The following NOS2 variants were observed in gnomAD, a reference collection of about 807,000 sequenced individuals.
NOS2 encodes nitric oxide synthase, inducible.
NOS2 carries 96 observed loss-of-function variants against 136.0 expected under a neutral mutation model. The ratio of observed to expected loss-of-function variants is 0.71; its 90% CI spans 0.60 to 0.84. The LOEUF is 0.84. Among genes scored for constraint, NOS2 ranks in the 40% least tolerant of loss-of-function variants. The probability of loss-of-function intolerance (pLI) is 0.00; values close to 1 mark genes in which losing one functional copy is unlikely to be tolerated. For missense variants in NOS2, 1,237 were observed against 1,496.9 expected (o/e 0.83, Z 2.87); for synonymous variants, 539 against 587.5 (o/e 0.92, Z 1.20).
chr17:27,781,158 G>A lies in NOS2; in HGVS notation c.742C>T (p.Pro248Ser). 1 of 1,609,348 alleles carries A rather than the reference G, an allele frequency of 6.2e-7. No homozygotes were observed. The highest frequency in any genetic ancestry group is 8.5e-7 in the Non-Finnish European group (1 of 1,179,936). Reference sequence around the variant, plus strand: ...TCGTGCTTGCCATCACTCCGCTGGGGGAACACGGTGATGGCCGACCTTCCC... The same window carrying A: ...TCGTGCTTGCCATCACTCCGCTGGGAGAACACGGTGATGGCCGACCTTCCC... Reference protein sequence around the residue: ...GNIRSAITVFPQRSDGKHDFR... With the variant: ...GNIRSAITVFSQRSDGKHDFR... The change falls in exon 8 of 27, where the codon CCC (proline) becomes TCC (serine). Residue 248 changes from proline to serine, a missense_variant. Physicochemically the swap from Pro to Ser is moderately conservative, Grantham distance 74. Transcript: ENST00000313735.
At chr17:27,768,890 CCA>C in intron 17 of NOS2, 85 bp downstream of exon 17, 1 of 1,388,628 alleles carries the variant, frequency 7.2e-7, no homozygotes, top group Non-Finnish European at 9.5e-7. Context: ...AGAGGTCATG[CCA>C]CCTGGGACGC....
chr17:27,774,888 CAAG>C (rs1196495197), intron 11 of NOS2, among the ~76,000 whole-genome samples: 2 of 152,188 alleles, frequency 1.3e-5, no homozygotes, highest in Admixed American at 6.5e-5. Flanking sequence ...CCTCCTCAGC[CAAG>C]AAGGAGCCAG....
chr17:27,758,901 C>T lies in NOS2; in HGVS notation c.3334G>A (p.Asp1112Asn), dbSNP rs188223236. The T allele has an allele frequency of 8.1e-6, 13 of 1,603,786 alleles. No homozygotes were observed. In the East Asian group the frequency reaches 9.0e-5, roughly 11 times the overall value. Residue 1112 changes from aspartate to asparagine, a missense_variant, in exon 26 of 27, where the codon GAC (aspartate) becomes AAC (asparagine). Transcript: ENST00000313735. ...TATACCTTGAGCTGAAAGAAATAGT[C>T]CTCGACCTGCTCCTCATTCAATTTC... ...KLKLNEEQVEDYFFQLKSQKR... is the reference protein window; with the variant it reads ...KLKLNEEQVENYFFQLKSQKR...
intron 17 of NOS2, 25 bp from the exon 18 acceptor site, chr17:27,767,862 G>A (rs750829450): frequency 2.2e-5 from 36 of 1,610,246 alleles, no homozygotes; most frequent in Middle Eastern, 2.2e-4. Flanking sequence ...AGCAGACTGC[G>A]GTTAATGGTC....
At position 27,760,187 on chromosome 17, in the gene NOS2, G is replaced by A; in HGVS notation, c.3011-9C>T. 6.5e-7 allele frequency: 1 copy of A among 1,544,228 alleles called. No individual in the cohort carries two copies. The highest frequency in any genetic ancestry group is 8.7e-7 in the Non-Finnish European group (1 of 1,148,368). On this transcript the variant is annotated splice_polypyrimidine_tract_variant and intron_variant, in intron 24 of 26. Coordinates refer to ENST00000313735, the MANE Select transcript of NOS2 (RefSeq NM_000625.4). ...GCGGCCTCCCCGCACTCCTGCAGGAGTCCCGGGCTGTTGTTACCATGTTGG... is the reference window on the plus strand; with the variant it reads ...GCGGCCTCCCCGCACTCCTGCAGGAATCCCGGGCTGTTGTTACCATGTTGG...
intron 11 of NOS2, 71 bp from the exon 12 acceptor site, chr17:27,774,522 G>A: frequency 8.0e-7 from 1 of 1,247,846 alleles, no homozygotes; most frequent in Non-Finnish European, 1.1e-6. Context: ...GTTGGCCGCA[G>A]GGCTCCCAGA....
rs200804749 is a variant in NOS2 at position 27,757,204 on chromosome 17, C to G, written c.*42G>C. On this transcript the variant is annotated 3_prime_UTR_variant, in exon 27 of 27. Transcript: ENST00000313735. ...CAGATAATGCAGAGCTGGCTCCATCCTTAAGTTCTGTGCCGGCAGCTTTAA... is the reference window on the plus strand; with the variant it reads ...CAGATAATGCAGAGCTGGCTCCATCGTTAAGTTCTGTGCCGGCAGCTTTAA... The G allele has an allele frequency of 4.4e-5, 68 of 1,534,942 alleles. No individual in the cohort carries two copies. In the South Asian group the frequency reaches 5.2e-4, roughly 12 times the overall value.
At chr17:27,785,311 C>A (rs561411440) in intron 5 of NOS2, among the ~76,000 whole-genome samples, 5 of 152,074 alleles carry the variant, frequency 3.3e-5, no homozygotes, top group Non-Finnish European at 5.9e-5. Context: ...CCAATGAAAC[C>A]CATCCAGGAA....
intron 5 of NOS2, among the ~76,000 whole-genome samples, chr17:27,785,580 G>A (rs1908996248): frequency 6.6e-6 from 1 of 152,040 alleles, no homozygotes; most frequent in Admixed American, 6.6e-5. Context: ...TGCAGCCAGG[G>A]TTGAGGACCA....
intron 5 of NOS2, among the ~76,000 whole-genome samples, chr17:27,785,061 G>A (rs531250872): frequency 6.6e-6 from 1 of 152,080 alleles, no homozygotes; most frequent in African/African-American, 2.4e-5. Context: ...AACCTGCAAG[G>A]CCACACAGCT....
intron 26 of NOS2, 85 bp from the exon 27 acceptor site, chr17:27,757,438 C>T: frequency 9.7e-7 from 1 of 1,035,832 alleles, no homozygotes; most frequent in Non-Finnish European, 1.5e-6. Context: ...TCACATGGAC[C>T]TTCATGAGCC....
At chr17:27,771,944 C>CT (rs2151328396) in intron 14 of NOS2, among the ~76,000 whole-genome samples, 1 of 152,346 alleles carries the variant, frequency 6.6e-6, no homozygotes, top group East Asian at 1.9e-4. Flanking sequence ...CCTCTGCGGC[C>CT]TTTTTTTGTT....
chr17:27,760,123 G>C lies in NOS2; in HGVS notation c.3066C>G (p.Asp1022Glu). Residue 1022 changes from aspartate to glutamate, a missense_variant, in exon 25 of 27, where the codon GAC (aspartate) becomes GAG (glutamate). Asp to Glu is a conservative substitution (Grantham distance 45). Transcript: ENST00000313735. ...LVFGCRRPDE[D>E]HIYQEEMLEM... ...CCAGCATCTCCTCCTGGTAGATGTGGTCCTCATCTGGGCGGCGGCACCCAA... is the reference window on the plus strand; with the variant it reads ...CCAGCATCTCCTCCTGGTAGATGTGCTCCTCATCTGGGCGGCGGCACCCAA... The C allele has an allele frequency of 6.2e-7, 1 of 1,606,766 alleles. No individual in the cohort carries two copies. Among genetic ancestry groups the C allele is most frequent in the Non-Finnish European group, 8.5e-7 (1 of 1,176,774 alleles).
intron 26 of NOS2, 64 bp downstream of exon 26, chr17:27,758,817 G>C: frequency 8.1e-7 from 1 of 1,227,362 alleles, no homozygotes; most frequent in Non-Finnish European, 1.1e-6. Context: ...TGCCACCCCT[G>C]GTCCTGGCTC....
intron 12 of NOS2, 88 bp downstream of exon 12, chr17:27,774,169 A>T: frequency 9.9e-7 from 1 of 1,007,176 alleles, no homozygotes; most frequent in Non-Finnish European, 1.3e-6. Context: ...GTCGTGCCCT[A>T]CATGTGTAAC....
At chr17:27,787,009 A>G (rs867506653) in intron 5 of NOS2, among the ~76,000 whole-genome samples, 5 of 152,256 alleles carry the variant, frequency 3.3e-5, no homozygotes, top group South Asian at 2.1e-4. Flanking sequence ...GATGTCTAGC[A>G]TGGTCCTCAG....
intron 15 of NOS2, 131 bp from the exon 16 acceptor site, chr17:27,769,715 A>G: frequency 1.3e-6 from 1 of 767,950 alleles, no homozygotes. Context: ...TGGTTTACAT[A>G]TGGGGCTACC....
chr17:27,764,903 TGTC>T (rs1227387048), intron 20 of NOS2, among the ~76,000 whole-genome samples: 9 of 152,224 alleles, frequency 5.9e-5, no homozygotes, highest in Non-Finnish European at 5.9e-5. Flanking sequence ...GCAACTGTCT[TGTC>T]GTCCCCACGT....
rs1412073239 is a variant in NOS2 at position 27,767,733 on chromosome 17, C to T, written c.2139G>A (p.Gln713=). Residue 713 remains glutamine, a synonymous_variant, in exon 18 of 27, where the codon CAG becomes CAA. Transcript: ENST00000313735. The part of the protein sequence containing the change: ...TWDPHHYRLV[Q]DSQPLDLSKA... ...TGCTGAGGTCCAAAGGCTGTGAGTCCTGCACGAGCCTGTAGTGGTGCGGGT... is the reference window on the plus strand; with the variant it reads ...TGCTGAGGTCCAAAGGCTGTGAGTCTTGCACGAGCCTGTAGTGGTGCGGGT... The T allele has an allele frequency of 1.2e-6, 2 of 1,613,670 alleles. No homozygotes were observed. Among genetic ancestry groups the T allele is most frequent in the Non-Finnish European group, 1.7e-6 (2 of 1,180,010 alleles).
Sources: allele counts gnomAD v4.1 joint callset (sites outside exome capture counted in the v4.1 genomes callset), GRCh38; gene constraint gnomAD v4.1.1; transcripts MANE v1.5; gene names NCBI Gene and HGNC (gene_info 2026-07-23, HGNC 2026-07-21).